PHEX: variants seen among roughly 807,000 people sequenced by gnomAD.
The protein encoded by PHEX is phosphate regulating endopeptidase X-linked, also known as phosphate-regulating neutral endopeptidase PHEX.
PHEX carries 16 observed loss-of-function variants against 68.0 expected under a neutral mutation model. The ratio of observed to expected loss-of-function variants is 0.24; its 90% CI spans 0.16 to 0.36. The LOEUF is 0.36. PHEX is among the 10% of genes least tolerant of loss of function. The pLI, the probability that PHEX is intolerant of heterozygous loss-of-function variation, is 1.00. For synonymous variants in PHEX, 208 were observed against 205.1 expected (o/e 1.01, Z -0.12); for missense variants, 480 against 575.5 (o/e 0.83, Z 1.70).
intron 10 of PHEX, among the ~76,000 whole-genome samples, chrX:22,113,005 T>G (rs924404439): frequency 1.1e-5 from 1 of 88,692 alleles, no homozygotes; most frequent in Non-Finnish European, 2.3e-5. Context: ...CAAGTAGGTT[T>G]TGTGTGTGTG....
intron 3 of PHEX, among the ~76,000 whole-genome samples, chrX:22,070,988 T>C (rs1928874691): frequency 8.9e-6 from 1 of 112,050 alleles, no homozygotes; most frequent in Non-Finnish European, 1.9e-5. Context: ...ATGATTGGCC[T>C]GAGCTGCAGA....
Position 22,192,678 on chromosome X carries a change from GC to G in PHEX, c.1645+2178del, listed in dbSNP as rs1934239032. On this transcript the variant is annotated intron_variant, in intron 15 of 21. Coordinates refer to ENST00000379374, the MANE Select transcript of PHEX (RefSeq NM_000444.6). Reference sequence around the variant, plus strand: ...CTTGGAAAACTTCCCCAAGTGACCTGCCTGGTTTATGCTCCCATTTCCTTCA... The same window carrying G: ...CTTGGAAAACTTCCCCAAGTGACCTGCTGGTTTATGCTCCCATTTCCTTCA... Among the ~76,000 whole-genome samples, 5 of 111,766 alleles carry G rather than the reference GC, an allele frequency of 4.5e-5. No homozygotes were observed. The South Asian group carries it at 1.9e-3, about 42-fold the overall frequency.
At chrX:22,112,857 G>T (rs1931039921) in intron 10 of PHEX, among the ~76,000 whole-genome samples, 1 of 110,738 alleles carries the variant, frequency 9.0e-6, no homozygotes, top group Non-Finnish European at 1.9e-5. Flanking sequence ...GAACTGAGAT[G>T]ATGGCACCAA....
intron 20 of PHEX, among the ~76,000 whole-genome samples, chrX:22,231,119 C>T (rs1365038811): frequency 8.9e-6 from 1 of 112,620 alleles, no homozygotes; most frequent in East Asian, 2.8e-4. Context: ...ATGAAGCCGA[C>T]TTGATCATGT....
chrX:22,234,668 C>T (rs765929733), intron 20 of PHEX, among the ~76,000 whole-genome samples: 348 of 110,423 alleles, frequency 3.2e-3, no homozygotes, highest in Middle Eastern at 0.014. Context: ...GTACTGGCAG[C>T]GAGAATTTCA....
chrX:22,214,774 G>C (rs1050359053), intron 16 of PHEX, among the ~76,000 whole-genome samples: 15 of 111,558 alleles, frequency 1.3e-4, no homozygotes, highest in African/African-American at 4.9e-4. Flanking sequence ...TGAGGGCTAC[G>C]AGGACGTGGG....
chrX:22,207,721 G>A (rs1306561201), intron 15 of PHEX, among the ~76,000 whole-genome samples: 2 of 110,778 alleles, frequency 1.8e-5, no homozygotes, highest in Non-Finnish European at 3.8e-5. Context: ...GCAAAATCAA[G>A]ACAAAACTAA....
intron 16 of PHEX, among the ~76,000 whole-genome samples, chrX:22,217,346 A>AT (rs368332798): frequency 2.7e-3 from 308 of 112,439 alleles, no homozygotes; most frequent in African/African-American, 9.1e-3. Flanking sequence ...AGTAGGAAGC[A>AT]TTTTTTCAAA....
rs906431359 is a variant in PHEX at position 22,232,091 on chromosome X, C to T, written c.2070+4480C>T. Among the ~76,000 whole-genome samples the T allele has an allele frequency of 1.1e-4, 12 of 112,062 alleles. No homozygotes were observed. The Admixed American group carries it at 1.1e-3, about 11-fold the overall frequency. On this transcript the variant is annotated intron_variant, in intron 20 of 21. Transcript: ENST00000379374. ...TAGCTGTGTGGTTTTGAGTGAGTTT[C>T]TTAATCCTGAGTTCTAATTTGATTG...
chrX:22,230,249 T>G (rs1203507345), intron 20 of PHEX, among the ~76,000 whole-genome samples: 3 of 92,640 alleles, frequency 3.2e-5, no homozygotes, highest in Non-Finnish European at 6.4e-5. Flanking sequence ...TTTTTTTTTT[T>G]TTTTTTTTTT....
intron 1 of PHEX, among the ~76,000 whole-genome samples, chrX:22,035,921 T>C (rs1255479296): frequency 9.4e-6 from 1 of 105,898 alleles, no homozygotes; most frequent in Non-Finnish European, 1.9e-5. Flanking sequence ...ATTTGGAGAA[T>C]TTTAAAATAA....
In PHEX at chrX:22,211,787, A is replaced by G. The variant is rs774936448; in HGVS notation, c.1646-1117A>G. Among the ~76,000 whole-genome samples, 216 of 112,316 alleles carry G rather than the reference A, an allele frequency of 1.9e-3. 1 individual carries two copies. Among genetic ancestry groups the G allele is most frequent in the Non-Finnish European group, 3.6e-3 (191 of 53,272 alleles). On this transcript the variant is annotated intron_variant, in intron 15 of 21. Transcript: ENST00000379374. ...ATGGACTTACAGTTCCACATGGCTG[A>G]GGAGGCCTCACAATTATCGTGGAAG...
chrX:22,230,359 A>C (rs1186271199), intron 20 of PHEX, among the ~76,000 whole-genome samples: 2 of 101,074 alleles, frequency 2.0e-5, no homozygotes, highest in African/African-American at 7.5e-5. Flanking sequence ...TCTCTAAATT[A>C]CTTTGGGCAG....
At chrX:22,246,669 GCTTA>G (rs1197550473) in intron 21 of PHEX, among the ~76,000 whole-genome samples, 1 of 112,227 alleles carries the variant, frequency 8.9e-6, no homozygotes, top group Non-Finnish European at 1.9e-5. Flanking sequence ...TACAGTGCAT[GCTTA>G]CTAATTATCA....
intron 20 of PHEX, among the ~76,000 whole-genome samples, chrX:22,233,000 C>CA (rs1362906924): frequency 1.8e-5 from 2 of 111,319 alleles, no homozygotes; most frequent in Non-Finnish European, 3.8e-5. Context: ...CTGGTGGTGA[C>CA]AAAATCTCTC....
At chrX:22,151,758 C>A (rs1339802184) in intron 12 of PHEX, among the ~76,000 whole-genome samples, 2 of 111,905 alleles carry the variant, frequency 1.8e-5, no homozygotes, top group Admixed American at 1.9e-4. Flanking sequence ...CTTTATCATT[C>A]TTGTACTTTC....
At chrX:22,176,403 ATATATATATATATAT>A (rs1435537592) in intron 13 of PHEX, among the ~76,000 whole-genome samples, 3 of 52,419 alleles carry the variant, frequency 5.7e-5, no homozygotes, top group African/African-American at 3.2e-4. Context: ...AAAAAAAAAA[ATATATATATATATAT>A]ATATATATGT....
chrX:22,187,275 C>A (rs1263852418), intron 14 of PHEX, among the ~76,000 whole-genome samples: 1 of 111,640 alleles, frequency 9.0e-6, no homozygotes, highest in Non-Finnish European at 1.9e-5. Flanking sequence ...TTGGCAGAAT[C>A]CAGTTCTTTC....
intron 11 of PHEX, among the ~76,000 whole-genome samples, chrX:22,122,548 G>A (rs1214273664): frequency 8.9e-6 from 1 of 112,110 alleles, no homozygotes; most frequent in Non-Finnish European, 1.9e-5. Context: ...ACTTCTTTGA[G>A]CTTGTTTTCC....
Sources: gnomAD v4.1 joint callset for allele counts (sites outside exome capture counted in the v4.1 genomes callset) on GRCh38, gnomAD v4.1.1 for gene constraint, MANE v1.5 for transcripts, NCBI Gene and HGNC (gene_info 2026-07-23, HGNC 2026-07-21) for gene names.